The following LRRC49 variants were observed in gnomAD, a reference collection of about 807,000 sequenced individuals.
The protein encoded by LRRC49 is leucine rich repeat containing 49, also known as leucine-rich repeat-containing protein 49.
Under a neutral mutation model 83.3 loss-of-function variants are expected in LRRC49, and 50 were observed. That is an observed-to-expected ratio of 0.60 (90% confidence interval 0.48 to 0.76). The LOEUF (loss-of-function observed/expected upper bound fraction) is 0.76, where lower values mean the gene tolerates loss of function less well. LRRC49 is among the 30% of genes least tolerant of loss of function. The pLI is 0.00. For synonymous variants in LRRC49, 286 were observed against 283.3 expected (o/e 1.01, Z -0.10); for missense variants, 704 against 809.1 (o/e 0.87, Z 1.58).
intron 2 of LRRC49, among the ~76,000 whole-genome samples, chr15:70,880,284 C>T (rs1365119097): frequency 1.3e-5 from 2 of 152,178 alleles, no homozygotes; most frequent in African/African-American, 4.8e-5. Flanking sequence ...TTGTCTTCTT[C>T]AAAGCACTAA....
intron 11 of LRRC49, among the ~76,000 whole-genome samples, chr15:71,002,840 C>A (rs758125075): frequency 1.3e-4 from 19 of 149,402 alleles, no homozygotes; most frequent in Non-Finnish European, 2.2e-4. Flanking sequence ...AGAGTATGTT[C>A]TACATTTAGC....
Position 70,945,638 on chromosome 15 carries a change from TG to T in LRRC49, c.773+8817del, listed in dbSNP as rs755695009. Among the ~76,000 whole-genome samples, 481 of 151,296 alleles carry T rather than the reference TG, an allele frequency of 3.2e-3. 4 individuals carry two copies. Among genetic ancestry groups the T allele is most frequent in the Non-Finnish European group, 4.3e-3 (293 of 67,778 alleles). On this transcript the variant is annotated intron_variant, in intron 8 of 15. Coordinates refer to ENST00000260382, the MANE Select transcript of LRRC49 (RefSeq NM_017691.5). The stretch of plus-strand genomic sequence containing the variant: ...TTTTATTTGTTTTTAGTATTAAAGA[TG>T]TTTTTTTTTTTGTAGGACTGAAACT...
chr15:70,921,188 A>G (rs2034991407), intron 7 of LRRC49, among the ~76,000 whole-genome samples: 1 of 152,206 alleles, frequency 6.6e-6, no homozygotes, highest in South Asian at 2.1e-4. Context: ...AGGGTAAGTG[A>G]AAGGGAAAGT....
chr15:71,016,039 G>A (rs2038815894), intron 14 of LRRC49, among the ~76,000 whole-genome samples: 1 of 152,218 alleles, frequency 6.6e-6, no homozygotes, highest in East Asian at 1.9e-4. Context: ...TGTGAGAAAT[G>A]GGGCATATGT....
intron 1 of LRRC49, among the ~76,000 whole-genome samples, chr15:70,865,997 G>T (rs2141072533): frequency 6.6e-6 from 1 of 152,186 alleles, no homozygotes; most frequent in South Asian, 2.1e-4. Flanking sequence ...TCATATTTTT[G>T]ACTCTGTTTA....
intron 9 of LRRC49, among the ~76,000 whole-genome samples, chr15:70,965,803 G>T (rs1032214999): frequency 5.9e-5 from 9 of 151,990 alleles, no homozygotes; most frequent in African/African-American, 2.2e-4. Flanking sequence ...TCATAAAAAT[G>T]TAAATTTATT....
intron 9 of LRRC49, among the ~76,000 whole-genome samples, chr15:70,974,828 T>G (rs538681343): frequency 2.0e-4 from 30 of 151,970 alleles, no homozygotes; most frequent in Non-Finnish European, 3.2e-4. Flanking sequence ...AGAAAAAGTT[T>G]GTTTATGCCT....
intron 1 of LRRC49, among the ~76,000 whole-genome samples, chr15:70,871,884 C>G (rs1188428494): frequency 6.7e-6 from 1 of 149,948 alleles, no homozygotes; most frequent in Admixed American, 6.6e-5. Flanking sequence ...GGATGGTGGC[C>G]GGGAAGAGGC....
chr15:70,915,832 C>T (rs1279365409), intron 6 of LRRC49, among the ~76,000 whole-genome samples: 9 of 152,006 alleles, frequency 5.9e-5, no homozygotes, highest in Admixed American at 1.3e-4. Flanking sequence ...ACATTTTAAA[C>T]GTGGTCATAG....
intron 8 of LRRC49, among the ~76,000 whole-genome samples, chr15:70,938,701 A>G (rs915395363): frequency 2.6e-5 from 4 of 152,188 alleles, no homozygotes; most frequent in African/African-American, 9.6e-5. Context: ...TTGTTCTTCT[A>G]TATCCTGGCA....
upstream of LRRC49, among the ~76,000 whole-genome samples, chr15:70,889,306 A>G (rs1396448568): frequency 6.6e-6 from 1 of 152,316 alleles, no homozygotes; most frequent in African/African-American, 2.4e-5. Context: ...AATGTTGAAC[A>G]AAAGAAGCCA....
At chr15:71,013,002 A>T (rs535924330) in intron 14 of LRRC49, 89 bp downstream of exon 14, 68 of 796,042 alleles carry the variant, frequency 8.5e-5, no homozygotes, top group Non-Finnish European at 1.3e-4. Flanking sequence ...TATGCTAATT[A>T]TGTGTTCCAT....
intron 14 of LRRC49, among the ~76,000 whole-genome samples, chr15:71,019,210 T>C (rs894017952): frequency 6.6e-6 from 1 of 152,106 alleles, no homozygotes; most frequent in Admixed American, 6.6e-5. Context: ...TCCCCAGAGG[T>C]TGGGGATGGG....
chr15:70,948,096 G>A (rs2036073916), intron 8 of LRRC49, among the ~76,000 whole-genome samples: 2 of 151,966 alleles, frequency 1.3e-5, no homozygotes, highest in Admixed American at 1.3e-4. Context: ...CCCATTTCCT[G>A]TGTGTGTGTA....
At chr15:70,856,538 A>T (rs894913447) in intron 1 of LRRC49, among the ~76,000 whole-genome samples, 1 of 152,218 alleles carries the variant, frequency 6.6e-6, no homozygotes, top group Non-Finnish European at 1.5e-5. Context: ...ATATATTAAA[A>T]CAACTTGGAA....
At chr15:70,999,698 T>G (rs966385509) in intron 11 of LRRC49, among the ~76,000 whole-genome samples, 9 of 152,136 alleles carry the variant, frequency 5.9e-5, no homozygotes, top group African/African-American at 2.2e-4. Context: ...GCCTTTTAGA[T>G]TCCCTGGACT....
intron 14 of LRRC49, among the ~76,000 whole-genome samples, chr15:71,022,458 C>G (rs1228058723): frequency 6.6e-6 from 1 of 152,104 alleles, no homozygotes; most frequent in Non-Finnish European, 1.5e-5. Flanking sequence ...ACAAGAGATA[C>G]ATCTGACATA....
chr15:70,892,740 T>C, upstream of LRRC49: 5 of 1,525,068 alleles, frequency 3.3e-6, no homozygotes, highest in Non-Finnish European at 4.4e-6. Flanking sequence ...TGTGTGGCTC[T>C]ATCGATTCGG....
intron 8 of LRRC49, among the ~76,000 whole-genome samples, chr15:70,939,421 A>G (rs957924521): frequency 3.9e-5 from 6 of 152,174 alleles, no homozygotes. Flanking sequence ...TAGGTCATTT[A>G]GTCTGTGTTT....
Sources: allele counts gnomAD v4.1 joint callset (sites outside exome capture counted in the v4.1 genomes callset), GRCh38; gene constraint gnomAD v4.1.1; transcripts MANE v1.5; gene names NCBI Gene and HGNC (gene_info 2026-07-23, HGNC 2026-07-21).